Variants in ATP10B observed in about 807,000 individuals in gnomAD.
ATP10B encodes phospholipid-transporting ATPase VB.
ATP10B carries 122 observed loss-of-function variants against 141.2 expected under a neutral mutation model. The ratio of observed to expected loss-of-function variants is 0.86; its 90% CI spans 0.75 to 1.00. The LOEUF (loss-of-function observed/expected upper bound fraction) is 1.00, where lower values mean the gene tolerates loss of function less well. ATP10B is among the 50% of genes least tolerant of loss of function. ATP10B has a pLI of 0.00. For missense variants in ATP10B, 1,876 were observed against 1,825.3 expected (o/e 1.03, Z -0.51); for synonymous variants, 685 against 692.0 (o/e 0.99, Z 0.16).
the ATP10B span, among the ~76,000 whole-genome samples, chr5:160,927,422 T>C: frequency 6.6e-6 from 1 of 152,170 alleles, no homozygotes. Flanking sequence ...AGTCTTACCA[T>C]ACCTTGCTGT....
At chr5:160,611,796 G>A (rs776052842) in intron 18 of ATP10B, 2 of 152,074 alleles carry the variant, frequency 1.3e-5, no homozygotes, top group African/African-American at 4.8e-5. Flanking sequence ...GTATGTCCTC[G>A]GTGTAGGTGC....
chr5:160,761,423 TACATTCCC>T (rs1469766126), intron 2 of ATP10B, among the ~76,000 whole-genome samples: 2 of 89,156 alleles, frequency 2.2e-5, no homozygotes, highest in Non-Finnish European at 4.5e-5. Flanking sequence ...AGCACCAGCC[TACATTCCC>T]CAGCACCAGG....
chr5:160,666,984 T>C (rs1156890087), intron 7 of ATP10B, among the ~76,000 whole-genome samples: 3 of 152,014 alleles, frequency 2.0e-5, no homozygotes, highest in Admixed American at 6.6e-5. Context: ...TTTGGGAGGC[T>C]GAGGCAGGCG....
chr5:160,770,007 G>T (rs1769766175), intron 2 of ATP10B, among the ~76,000 whole-genome samples: 1 of 152,200 alleles, frequency 6.6e-6, no homozygotes, highest in Non-Finnish European at 1.5e-5. Flanking sequence ...GAAGTGATAG[G>T]AGGTAACTGT....
chr5:160,888,360 G>C, the ATP10B span, among the ~76,000 whole-genome samples: 1 of 152,170 alleles, frequency 6.6e-6, no homozygotes, highest in Admixed American at 6.5e-5. Flanking sequence ...CCAATTTTCA[G>C]ACCTGAGGCT....
chr5:160,924,578 G>C, the ATP10B span, among the ~76,000 whole-genome samples: 1 of 152,190 alleles, frequency 6.6e-6, no homozygotes, highest in East Asian at 1.9e-4. Flanking sequence ...TGCAGTGATC[G>C]TGTGCTGGGA....
chr5:160,796,063 C>A (rs1001076657), intron 1 of ATP10B, among the ~76,000 whole-genome samples: 1 of 152,136 alleles, frequency 6.6e-6, no homozygotes, highest in Admixed American at 6.5e-5. Context: ...CATTTAGTGA[C>A]CTCACCACAC....
the ATP10B span, among the ~76,000 whole-genome samples, chr5:160,889,989 T>G: frequency 6.6e-6 from 1 of 152,208 alleles, no homozygotes; most frequent in African/African-American, 2.4e-5. Context: ...AGTGAATTCT[T>G]TGGAAGATTC....
At chr5:160,864,529 A>G in the ATP10B span, among the ~76,000 whole-genome samples, 18 of 151,908 alleles carry the variant, frequency 1.2e-4, no homozygotes, top group Non-Finnish European at 2.5e-4. Context: ...AAGGATGCCC[A>G]TTTTCATTAC....
the ATP10B span, among the ~76,000 whole-genome samples, chr5:160,926,433 AT>A: frequency 1.3e-5 from 2 of 152,242 alleles, no homozygotes; most frequent in African/African-American, 4.8e-5. Flanking sequence ...CAAAAAAAGC[AT>A]TTCCTAAAAT....
At chr5:160,773,747 A>G (rs1770076211) in intron 2 of ATP10B, among the ~76,000 whole-genome samples, 1 of 152,180 alleles carries the variant, frequency 6.6e-6, no homozygotes, top group Admixed American at 6.5e-5. Flanking sequence ...GTTTTAGGGC[A>G]CCAGAAACAT....
At chr5:160,784,687 A>G (rs1480760934) in intron 2 of ATP10B, among the ~76,000 whole-genome samples, 1 of 152,092 alleles carries the variant, frequency 6.6e-6, no homozygotes, top group Non-Finnish European at 1.5e-5. Flanking sequence ...CATTTTACCC[A>G]TGACTAGAGG....
the ATP10B span, among the ~76,000 whole-genome samples, chr5:160,889,379 C>T: frequency 3.3e-5 from 5 of 152,298 alleles, no homozygotes; most frequent in East Asian, 7.7e-4. Context: ...TGTTGTCCAT[C>T]CACAGGCAGT....
intron 2 of ATP10B, among the ~76,000 whole-genome samples, chr5:160,746,667 C>G (rs928659266): frequency 3.3e-5 from 5 of 152,172 alleles, no homozygotes; most frequent in African/African-American, 1.2e-4. Flanking sequence ...GCTGGGATTA[C>G]AGGTATGAGC....
intron 10 of ATP10B, 50 bp from the exon 11 acceptor site, chr5:160,636,359 A>C: frequency 6.3e-7 from 1 of 1,583,152 alleles, no homozygotes; most frequent in Non-Finnish European, 8.6e-7. Context: ...CTAAGTCCTA[A>C]AGTTGGTCAA....
In ATP10B at chr5:160,565,831, T is replaced by A; in HGVS notation, c.4008A>T (p.Lys1336Asn). Residue 1336 changes from lysine to asparagine, a missense_variant, in exon 26 of 26, where the codon AAA (lysine) becomes AAT (asparagine). Lys to Asn is a moderately conservative substitution (Grantham distance 94). Coordinates refer to ENST00000327245, the MANE Select transcript of ATP10B (RefSeq NM_025153.3). Reference protein sequence around the residue: ...SLISKAQKIDKLPPDKRNLEI... With the variant: ...SLISKAQKIDNLPPDKRNLEI... The stretch of plus-strand genomic sequence containing the variant: ...CCAGGTTTCTTTTGTCTGGGGGGAG[T>A]TTGTCAATTTTCTGAGCTTTTGAGA... 1 of 1,613,712 alleles carries A rather than the reference T, an allele frequency of 6.2e-7. No homozygotes were observed. Among genetic ancestry groups the A allele is most frequent in the South Asian group, 1.1e-5 (1 of 91,046 alleles).
intron 3 of ATP10B, among the ~76,000 whole-genome samples, chr5:160,706,443 C>T (rs948297618): frequency 5.9e-5 from 9 of 152,034 alleles, no homozygotes; most frequent in South Asian, 2.1e-4. Flanking sequence ...AATGAAGAGA[C>T]GTTAAGTGGC....
At chr5:160,839,817 C>T (rs1377896638) in intron 1 of ATP10B, among the ~76,000 whole-genome samples, 4 of 151,808 alleles carry the variant, frequency 2.6e-5, no homozygotes, top group African/African-American at 9.7e-5. Flanking sequence ...CAAATGAAAA[C>T]AATAAGGAAG....
At chr5:160,869,439 A>G in the ATP10B span, among the ~76,000 whole-genome samples, 54 of 152,266 alleles carry the variant, frequency 3.5e-4, 1 homozygote, top group African/African-American at 1.3e-3. Flanking sequence ...AGAGACAAAA[A>G]AAAAATAGTC....
Sources: allele counts gnomAD v4.1 joint callset (sites outside exome capture counted in the v4.1 genomes callset), GRCh38; gene constraint gnomAD v4.1.1; transcripts MANE v1.5; gene names NCBI Gene and HGNC (gene_info 2026-07-23, HGNC 2026-07-21).